The following ZSWIM5 variants were observed in gnomAD, a reference collection of about 807,000 sequenced individuals.
ZSWIM5 encodes the protein zinc finger SWIM domain-containing protein 5.
ZSWIM5 carries 55 observed loss-of-function variants against 119.6 expected under a neutral mutation model. The ratio of observed to expected loss-of-function variants is 0.46; its 90% CI spans 0.37 to 0.58. The LOEUF is 0.58. ZSWIM5 is among the 20% of genes least tolerant of loss of function. The probability of loss-of-function intolerance (pLI) is 0.00; values close to 1 mark genes in which losing one functional copy is unlikely to be tolerated. For synonymous variants in ZSWIM5, 537 were observed against 606.9 expected, an observed-to-expected ratio of 0.88 and a Z score of 1.69; for missense variants, 1,193 against 1,512.8, an observed-to-expected ratio of 0.79 and a Z score of 3.51.
rs1357861283 is a variant in ZSWIM5 at position 45,206,318 on chromosome 1, G to C, written c.33C>G (p.Leu11=). The C allele has an allele frequency of 3.3e-6, 5 of 1,522,358 alleles. No individual in the cohort carries two copies. The highest frequency in any genetic ancestry group is 1.2e-5 in the South Asian group (1 of 80,114). The allele number at this position is 1,522,358 out of a possible 1,614,324, so 94.3% of individuals were successfully genotyped here. Residue 11 remains leucine (L), a synonymous_variant, in exon 1 of 14, where the codon CTC becomes CTG. Transcript: ENST00000359600. ...TAGCCGGAGAGACCGGTGACGGCGA[G>C]AGCAGCTCCTCTCGCTCACCTCCGT... is the stretch of plus-strand genomic sequence containing the variant. The part of the protein sequence containing the change: MADGGEREEL[L]SPSPVSPAKR...
In ZSWIM5 at chr1:45,058,723, C is replaced by T. The variant is rs777495038; in HGVS notation, c.1138G>A (p.Ala380Thr). The T allele has an allele frequency of 2.5e-6, 4 of 1,614,076 alleles. No homozygotes were observed. Among genetic ancestry groups the T allele is most frequent in the Non-Finnish European group, 2.5e-6 (3 of 1,180,052 alleles). The change falls in exon 4 of 14, where the codon GCA (alanine) becomes ACA (threonine). Residue 380 changes from alanine to threonine, a missense_variant. By Grantham distance (58) the Ala-to-Thr change is moderately conservative. This residue lies in a region of ZSWIM5 where 961 missense variants were observed against 1,290.0 expected (regional missense o/e 0.74). Transcript: ENST00000359600. ...EMLRMRDSNGARMLTLITEQF... is the reference protein window; with the variant it reads ...EMLRMRDSNGTRMLTLITEQF... Reference sequence around the variant, plus strand: ...TCAGTTATTAGTGTCAGCATCCTTGCTCCATTGGAATCTCTCATCCGCAGC... The same window carrying T: ...TCAGTTATTAGTGTCAGCATCCTTGTTCCATTGGAATCTCTCATCCGCAGC...
At chr1:45,044,790 A>ATAT (rs1645041393) in intron 5 of ZSWIM5, among the ~76,000 whole-genome samples, 1 of 686 alleles carries the variant, frequency 1.5e-3, no homozygotes, top group East Asian at 0.045. Context: ...TATATATATA[A>ATAT]ATATATATAT....
At chr1:45,169,266 C>T (rs1645929843) in intron 1 of ZSWIM5, among the ~76,000 whole-genome samples, 1 of 151,776 alleles carries the variant, frequency 6.6e-6, no homozygotes, top group African/African-American at 2.4e-5. Flanking sequence ...CTCAACCATA[C>T]CAGAAGGTGG....
intron 1 of ZSWIM5, among the ~76,000 whole-genome samples, chr1:45,098,437 C>G (rs1287896899): frequency 6.6e-6 from 1 of 152,174 alleles, no homozygotes; most frequent in African/African-American, 2.4e-5. Context: ...GCCTTTAAGT[C>G]TTATTCCCTC....
chr1:45,098,966 C>T (rs1017188824), intron 1 of ZSWIM5, among the ~76,000 whole-genome samples: 2 of 152,142 alleles, frequency 1.3e-5, no homozygotes, highest in African/African-American at 2.4e-5. Flanking sequence ...AAAATAGACA[C>T]CTTAACATCA....
In ZSWIM5 at chr1:45,172,274, C is replaced by T. The variant is rs185781022; in HGVS notation, c.595+33482G>A. ...CTGAGCAAATATTAATAGTTGTACT[C>T]GTCTCTCAAAAAGTTAACTTGTCCA... On this transcript the variant is annotated intron_variant, in intron 1 of 13. Coordinates refer to ENST00000359600, the MANE Select transcript of ZSWIM5 (RefSeq NM_020883.2). 1.2e-4 allele frequency among the ~76,000 whole-genome samples: 18 copies of T among 152,018 alleles called. No homozygotes were observed. The South Asian group carries it at 1.7e-3, about 14-fold the overall frequency.
intron 1 of ZSWIM5, among the ~76,000 whole-genome samples, chr1:45,160,685 G>A (rs928335409): frequency 2.7e-5 from 4 of 148,184 alleles, no homozygotes; most frequent in African/African-American, 1.0e-4. Flanking sequence ...AAGTAGTTTC[G>A]TTCTTGTTGC....
At chr1:45,170,902 A>C (rs557324067) in intron 1 of ZSWIM5, among the ~76,000 whole-genome samples, 38 of 152,280 alleles carry the variant, frequency 2.5e-4, no homozygotes, top group African/African-American at 9.1e-4. Flanking sequence ...ACTTTTTATT[A>C]AATTAAAAAT....
chr1:45,163,920 C>T (rs1311988310), intron 1 of ZSWIM5, among the ~76,000 whole-genome samples: 1 of 152,210 alleles, frequency 6.6e-6, no homozygotes, highest in Non-Finnish European at 1.5e-5. Context: ...AGGAGAACTT[C>T]CCCAACCTAG....
intron 1 of ZSWIM5, among the ~76,000 whole-genome samples, chr1:45,162,323 C>G (rs1205384031): frequency 1.3e-5 from 2 of 152,162 alleles, no homozygotes; most frequent in Non-Finnish European, 2.9e-5. Context: ...GAAATGCCAC[C>G]TCTACTAAAA....
chr1:45,070,067 T>C, intron 2 of ZSWIM5: 2 of 887,596 alleles, frequency 2.3e-6, no homozygotes, highest in South Asian at 1.3e-5. Context: ...ATCCAATGAC[T>C]AGAAGAAGAA....
intron 1 of ZSWIM5, among the ~76,000 whole-genome samples, chr1:45,135,483 A>G (rs763472260): frequency 2.1e-4 from 32 of 152,240 alleles, no homozygotes; most frequent in Non-Finnish European, 4.0e-4. Context: ...TTATATAAAC[A>G]ACTGACTGCA....
At chr1:45,166,138 C>T (rs1204434945) in intron 1 of ZSWIM5, among the ~76,000 whole-genome samples, 1 of 152,110 alleles carries the variant, frequency 6.6e-6, no homozygotes, top group Non-Finnish European at 1.5e-5. Context: ...TGGGCTTCAT[C>T]CCTGGGATGC....
At position 45,020,624 on chromosome 1, in the gene ZSWIM5, C is replaced by T; in HGVS notation, c.2613+1G>A. The stretch of plus-strand genomic sequence containing the variant: ...GTGGATGGCCTACTCTTCCTCCATA[C>T]CTGTAACCCAAGTTCCAGGGCAACG... On this transcript the variant is annotated splice_donor_variant, in intron 12 of 13. Transcript: ENST00000359600. LOFTEE classifies it high-confidence loss of function. The T allele has an allele frequency of 6.2e-7, 1 of 1,613,616 alleles. No individual in the cohort carries two copies.
intron 11 of ZSWIM5, among the ~76,000 whole-genome samples, chr1:45,025,040 G>T (rs1487325317): frequency 6.6e-6 from 1 of 152,164 alleles, no homozygotes. Flanking sequence ...TCTAAGGTCA[G>T]TGTCTATATT....
intron 1 of ZSWIM5, among the ~76,000 whole-genome samples, chr1:45,124,537 AAAAG>A (rs1208364106): frequency 4.6e-5 from 7 of 152,276 alleles, no homozygotes; most frequent in East Asian, 3.8e-4. Flanking sequence ...AACCCACAGA[AAAAG>A]AAAGGCAAAA....
intron 1 of ZSWIM5, among the ~76,000 whole-genome samples, chr1:45,166,200 G>A (rs1192171501): frequency 1.3e-5 from 2 of 152,028 alleles, no homozygotes; most frequent in African/African-American, 2.4e-5. Context: ...CATATAAACA[G>A]AACCAAAGAT....
At position 45,072,469 on chromosome 1, in the gene ZSWIM5, T is replaced by C. The variant is rs185257307; in HGVS notation, c.953-12222A>G. Among the ~76,000 whole-genome samples, 2 of 152,112 alleles carry C rather than the reference T, an allele frequency of 1.3e-5. No individual in the cohort carries two copies. The highest frequency in any genetic ancestry group is 2.9e-5 in the Non-Finnish European group (2 of 68,020). ...TTTTTGCTTTGGTTGCCTGTGCTTGTGGGTTATTACTCAAGAAATCTTTGC... is the reference window on the plus strand; with the variant it reads ...TTTTTGCTTTGGTTGCCTGTGCTTGCGGGTTATTACTCAAGAAATCTTTGC... On this transcript the variant is annotated intron_variant, in intron 2 of 13. Transcript: ENST00000359600. The surrounding 1 kb of genome is among the most constrained non-coding windows in gnomAD (Gnocchi z 4.1).
At chr1:45,173,960 T>C (rs1404277169) in intron 1 of ZSWIM5, among the ~76,000 whole-genome samples, 1 of 152,114 alleles carries the variant, frequency 6.6e-6, no homozygotes. Context: ...ATGTTTGTAC[T>C]GATTATAATT....
Sources: gnomAD v4.1 joint callset for allele counts (sites outside exome capture counted in the v4.1 genomes callset) on GRCh38, gnomAD v4.1.1 for gene constraint, gnomAD v4.1.1 regional missense constraint, Gnocchi (gnomAD v3.1) non-coding constraint, MANE v1.5 for transcripts, NCBI Gene and HGNC (gene_info 2026-07-23, HGNC 2026-07-21) for gene names.